The following LRBA variants were observed in gnomAD, a reference collection of about 807,000 sequenced individuals.
LRBA encodes LPS responsive beige-like anchor protein, also known as lipopolysaccharide-responsive and beige-like anchor protein.
Under a neutral mutation model 330.0 loss-of-function variants are expected in LRBA, and 176 were observed. The ratio of observed to expected loss-of-function variants is 0.53; its 90% CI spans 0.47 to 0.60. The LOEUF is 0.60. Ranked by LOEUF, LRBA falls within the 20% of genes least tolerant of loss-of-function variation. The pLI is 0.00. For synonymous variants in LRBA, 1,230 were observed against 1,193.0 expected (o/e 1.03, Z -0.64); for missense variants, 3,259 against 3,444.8 (o/e 0.95, Z 1.35).
intron 37 of LRBA, among the ~76,000 whole-genome samples, chr4:150,645,586 G>A (rs550664685): frequency 5.9e-5 from 9 of 151,900 alleles, no homozygotes; most frequent in South Asian, 2.1e-4. Context: ...GTGGTACTGC[G>A]GAGCTTCTAC....
At chr4:150,497,539 T>C (rs1034268345) in intron 40 of LRBA, among the ~76,000 whole-genome samples, 1 of 152,194 alleles carries the variant, frequency 6.6e-6, no homozygotes, top group African/African-American at 2.4e-5. Context: ...ATTTTTTTCA[T>C]CTATACAGTA....
chr4:150,273,828 C>T (rs561363992), intron 56 of LRBA, among the ~76,000 whole-genome samples: 1 of 152,098 alleles, frequency 6.6e-6, no homozygotes, highest in Non-Finnish European at 1.5e-5. Context: ...TAGAGACCTA[C>T]AAAGAGACTT....
At chr4:150,322,555 A>G (rs1732658775) in intron 49 of LRBA, among the ~76,000 whole-genome samples, 1 of 152,258 alleles carries the variant, frequency 6.6e-6, no homozygotes, top group African/African-American at 2.4e-5. Context: ...ATATTTATTC[A>G]GAACTGGTAA....
At position 150,827,449 on chromosome 4, in the gene LRBA, C is replaced by T. The variant is rs191677801; in HGVS notation, c.5171+731G>A. Among the ~76,000 whole-genome samples the T allele has an allele frequency of 6.6e-5, 10 of 152,222 alleles. No homozygotes were observed. The East Asian group carries it at 1.7e-3, about 26-fold the overall frequency. On this transcript the variant is annotated intron_variant, in intron 30 of 56. Coordinates refer to ENST00000651943, the MANE Select transcript of LRBA (RefSeq NM_001364905.1). ...CTTTCACTTTCTCCAACTCTGCTAC[C>T]TCAACTGCCCCTGAGATACTAAAAT...
chr4:150,437,519 AT>A (rs59938172), intron 44 of LRBA, among the ~76,000 whole-genome samples: 31,266 of 147,732 alleles, frequency 0.21, 4,026 homozygotes, highest in Non-Finnish European at 0.3. Flanking sequence ...ATATATATAT[AT>A]TATAAAATTA....
At chr4:150,797,169 A>G (rs1740903636) in intron 34 of LRBA, among the ~76,000 whole-genome samples, 1 of 151,950 alleles carries the variant, frequency 6.6e-6, no homozygotes, top group Admixed American at 6.6e-5. Flanking sequence ...AATGTCCATC[A>G]GCACAGTCTA....
intron 40 of LRBA, among the ~76,000 whole-genome samples, chr4:150,542,066 T>C (rs1260987651): frequency 6.6e-6 from 1 of 152,242 alleles, no homozygotes; most frequent in African/African-American, 2.4e-5. Flanking sequence ...TATGTCTGAA[T>C]CATGCATTGC....
At chr4:150,941,441 G>A (rs1015024302) in intron 2 of LRBA, among the ~76,000 whole-genome samples, 5 of 151,928 alleles carry the variant, frequency 3.3e-5, no homozygotes, top group South Asian at 4.2e-4. Context: ...GTGAGCCACC[G>A]CACCTGGCCT....
In LRBA at chr4:150,828,561, G is replaced by T. The variant is rs1278202173; in HGVS notation, c.4790C>A (p.Thr1597Lys). 6.2e-7 allele frequency: 1 copy of T among 1,614,076 alleles called. No homozygotes were observed. Among genetic ancestry groups the T allele is most frequent in the Non-Finnish European group, 8.5e-7 (1 of 1,179,992 alleles). Reference sequence around the variant, plus strand: ...TGAGTCCCTCCTTCGAGCAGATGATGTGCTTTCAGATTCTTCCACTGATGC... The same window carrying T: ...TGAGTCCCTCCTTCGAGCAGATGATTTGCTTTCAGATTCTTCCACTGATGC... The part of the protein sequence containing the change: ...TTASVEESES[T>K]SSARRRDSGI... Residue 1597 changes from threonine to lysine, a missense_variant, in exon 30 of 57, where the codon ACA becomes AAA. Physicochemically the swap from Thr to Lys is moderately conservative, Grantham distance 78 (BLOSUM62 -1). Transcript: ENST00000651943.
intron 40 of LRBA, among the ~76,000 whole-genome samples, chr4:150,575,777 T>G (rs1770462596): frequency 6.6e-6 from 1 of 151,908 alleles, no homozygotes; most frequent in Non-Finnish European, 1.5e-5. Context: ...AAGAAACATA[T>G]TCTACACAAT....
At chr4:150,507,154 A>C (rs1437798714) in intron 40 of LRBA, among the ~76,000 whole-genome samples, 1 of 151,576 alleles carries the variant, frequency 6.6e-6, no homozygotes, top group African/African-American at 2.4e-5. Context: ...CATACTGCCC[A>C]AGGTAATTTA....
intron 36 of LRBA, among the ~76,000 whole-genome samples, chr4:150,725,472 T>C (rs1262074830): frequency 6.6e-6 from 1 of 152,202 alleles, no homozygotes; most frequent in Admixed American, 6.5e-5. Context: ...TACTCTAGAA[T>C]AGTATATCCA....
chr4:150,918,728 G>A (rs1385899197), intron 5 of LRBA, among the ~76,000 whole-genome samples: 1 of 152,212 alleles, frequency 6.6e-6, no homozygotes, highest in African/African-American at 2.4e-5. Flanking sequence ...CAGCCTGGGT[G>A]ACAGAGCAAG....
chr4:150,655,342 A>T (rs1780081548), intron 37 of LRBA, among the ~76,000 whole-genome samples: 1 of 152,210 alleles, frequency 6.6e-6, no homozygotes, highest in Admixed American at 6.5e-5. Flanking sequence ...GTGTAAATGT[A>T]AAACAGATTA....
chr4:150,667,923 G>A lies in LRBA; in HGVS notation c.5921+15628C>T, dbSNP rs78353943. Reference sequence around the variant, plus strand: ...AAGCCTCCAGAGGAAACACAGCCCTGCCAACCCATTTCAGACTTCTGAACT... The same window carrying A: ...AAGCCTCCAGAGGAAACACAGCCCTACCAACCCATTTCAGACTTCTGAACT... On this transcript the variant is annotated intron_variant, in intron 37 of 56. Coordinates refer to ENST00000651943, the MANE Select transcript of LRBA (RefSeq NM_001364905.1). 7.9e-3 allele frequency among the ~76,000 whole-genome samples: 1,196 copies of A among 152,274 alleles called. 11 individuals carry two copies. Among genetic ancestry groups the A allele is most frequent in the African/African-American group, 0.027 (1,139 of 41,550 alleles).
chr4:150,940,084 AC>A (rs1399544650), intron 2 of LRBA, among the ~76,000 whole-genome samples: 4 of 149,900 alleles, frequency 2.7e-5, no homozygotes, highest in African/African-American at 9.7e-5. Flanking sequence ...AAAAAAAAAA[AC>A]AAACAAAGGA....
At chr4:150,349,876 A>T in intron 48 of LRBA, 116 bp downstream of exon 48, 1 of 854,724 alleles carries the variant, frequency 1.2e-6, no homozygotes, top group Non-Finnish European at 1.8e-6. Flanking sequence ...AAGGCACTTT[A>T]CATCTAGTTT....
intron 37 of LRBA, among the ~76,000 whole-genome samples, chr4:150,662,125 G>C (rs752737496): frequency 6.6e-6 from 1 of 152,122 alleles, no homozygotes; most frequent in Non-Finnish European, 1.5e-5. Flanking sequence ...AGATTAAGTG[G>C]AAAGTAAAAT....
At chr4:150,835,983 C>T (rs1033124778) in intron 28 of LRBA, among the ~76,000 whole-genome samples, 1 of 152,132 alleles carries the variant, frequency 6.6e-6, no homozygotes, top group African/African-American at 2.4e-5. Context: ...CCATCAATAC[C>T]TAATTTATAC....
Sources: allele counts gnomAD v4.1 joint callset (sites outside exome capture counted in the v4.1 genomes callset), GRCh38; gene constraint gnomAD v4.1.1; transcripts MANE v1.5; gene names NCBI Gene and HGNC (gene_info 2026-07-23, HGNC 2026-07-21).